FANK1: variants seen among roughly 807,000 people sequenced by gnomAD.
FANK1 encodes fibronectin type 3 and ankyrin repeat domains protein 1.
FANK1 carries 44 observed loss-of-function variants against 45.3 expected under a neutral mutation model. The observed-to-expected ratio is 0.97, with a 90% CI of 0.76 to 1.25. FANK1 has a LOEUF of 1.25. Ranked by LOEUF, FANK1 falls within the 50% of genes most tolerant of loss-of-function variation. The pLI is 0.00. For missense variants in FANK1, 391 were observed against 424.4 expected, an observed-to-expected ratio of 0.92 and a Z score of 0.69; for synonymous variants, 149 against 152.5, an observed-to-expected ratio of 0.98 and a Z score of 0.17.
chr10:126,008,753 C>G (rs374198044), intron 8 of FANK1, among the ~76,000 whole-genome samples: 8 of 152,296 alleles, frequency 5.3e-5, no homozygotes, highest in African/African-American at 1.9e-4. Context: ...TATTTAAGGA[C>G]TAAAGAACCC....
intron 1 of FANK1, among the ~76,000 whole-genome samples, chr10:125,976,962 C>T (rs968036652): frequency 3.1e-5 from 4 of 128,110 alleles, no homozygotes; most frequent in Non-Finnish European, 7.0e-5. Context: ...CTGTCAGACC[C>T]GTTAGGTTTT....
chr10:125,985,464 T>C (rs898389181), intron 2 of FANK1, among the ~76,000 whole-genome samples: 1 of 152,250 alleles, frequency 6.6e-6, no homozygotes, highest in South Asian at 2.1e-4. Flanking sequence ...CTGGCGGTTT[T>C]TCTGAATATT....
chr10:125,925,101 T>C (rs1048970603), intron 1 of FANK1, among the ~76,000 whole-genome samples: 2 of 152,068 alleles, frequency 1.3e-5, no homozygotes, highest in African/African-American at 4.8e-5. Context: ...ATGTTCTATA[T>C]GTTTGCATTG....
At position 125,987,928 on chromosome 10, in the gene FANK1, G is replaced by A. The variant is rs192810402; in HGVS notation, c.192-623G>A. Among the ~76,000 whole-genome samples, 558 of 152,302 alleles carry A rather than the reference G, an allele frequency of 3.7e-3. 2 individuals carry two copies. Among genetic ancestry groups the A allele is most frequent in the Middle Eastern group, 0.01 (3 of 294 alleles). Reference sequence around the variant, plus strand: ...CTCTGGAGGTGTGTGGATTTCCATCGTGAGTCTCTCATCAGATTTCTATCC... The same window carrying A: ...CTCTGGAGGTGTGTGGATTTCCATCATGAGTCTCTCATCAGATTTCTATCC... On this transcript the variant is annotated intron_variant, in intron 2 of 10. Coordinates refer to ENST00000368693, the MANE Select transcript of FANK1 (RefSeq NM_145235.5).
At chr10:125,904,325 A>G (rs1040416221) in intron 1 of FANK1, among the ~76,000 whole-genome samples, 1 of 152,308 alleles carries the variant, frequency 6.6e-6, no homozygotes, top group African/African-American at 2.4e-5. Context: ...ATATTTATGA[A>G]ATAAATAGAA....
At chr10:125,971,447 A>T (rs1950507563) in intron 1 of FANK1, among the ~76,000 whole-genome samples, 1 of 151,194 alleles carries the variant, frequency 6.6e-6, no homozygotes, top group Non-Finnish European at 1.5e-5. Flanking sequence ...TGCACACAAC[A>T]TCTCTCTACT....
At chr10:125,959,833 C>T (rs1298510850) in intron 1 of FANK1, among the ~76,000 whole-genome samples, 1 of 152,058 alleles carries the variant, frequency 6.6e-6, no homozygotes, top group Non-Finnish European at 1.5e-5. Context: ...TGTAAACATC[C>T]AGTAAATAAA....
chr10:125,909,559 G>T, intron 1 of FANK1, among the ~76,000 whole-genome samples: 1 of 148,962 alleles, frequency 6.7e-6, no homozygotes. Context: ...GTGTCACTTA[G>T]GCTATAGTGC....
In FANK1 at chr10:125,969,730, T is replaced by A. The variant is rs569726845; in HGVS notation, c.14-10431T>A. Among the ~76,000 whole-genome samples the A allele has an allele frequency of 9.7e-4, 148 of 152,256 alleles. 1 individual carries two copies. The highest frequency in any genetic ancestry group is 3.5e-3 in the African/African-American group (145 of 41,544). On this transcript the variant is annotated intron_variant, in intron 1 of 10. Transcript: ENST00000368693. ...TGGAGAGAAGGTCAGCAGATAAACA[T>A]GTGAACAAAGGTCTCTGGTTTTCCT...
rs41302923 is a variant in FANK1, at chr10:126,004,910, A to G, written c.566A>G (p.His189Arg). 32,852 of 1,614,102 alleles carry G rather than the reference A, an allele frequency of 0.02. 409 individuals are homozygous for G. Among genetic ancestry groups the G allele is most frequent in the Non-Finnish European group, 0.025 (29,272 of 1,180,000 alleles). The part of the protein sequence containing the change: ...DSLMLACYAG[H>R]LDVVKYLRRH... Reference sequence around the variant, plus strand: ...CTAATGCTGGCGTGCTATGCGGGACACCTAGATGTTGTGAAATATCTCCGA... The same window carrying G: ...CTAATGCTGGCGTGCTATGCGGGACGCCTAGATGTTGTGAAATATCTCCGA... The change falls in exon 7 of 11, where the codon CAC becomes CGC. Residue 189 changes from histidine to arginine, a missense_variant. Coordinates refer to ENST00000368693, the MANE Select transcript of FANK1 (RefSeq NM_145235.5).
chr10:125,962,224 G>C (rs1404160264), intron 1 of FANK1, among the ~76,000 whole-genome samples: 5 of 152,118 alleles, frequency 3.3e-5, no homozygotes, highest in Non-Finnish European at 7.4e-5. Context: ...GTCTTTCTTT[G>C]TTTTTCTGTA....
chr10:125,974,416 A>C (rs924196222), intron 1 of FANK1, among the ~76,000 whole-genome samples: 8 of 152,220 alleles, frequency 5.3e-5, no homozygotes, highest in African/African-American at 1.9e-4. Context: ...ACAATGCAGT[A>C]AATCTGTGAT....
At chr10:125,956,527 T>C (rs1949588750) in intron 1 of FANK1, among the ~76,000 whole-genome samples, 1 of 152,204 alleles carries the variant, frequency 6.6e-6, no homozygotes, top group Non-Finnish European at 1.5e-5. Context: ...TTTTTAACTT[T>C]TCACCAAAGA....
chr10:125,911,333 C>G (rs564784346), intron 1 of FANK1, among the ~76,000 whole-genome samples: 78 of 152,288 alleles, frequency 5.1e-4, no homozygotes, highest in African/African-American at 1.8e-3. Flanking sequence ...CCTAGAGCCT[C>G]CAGAAGGAAC....
intron 1 of FANK1, among the ~76,000 whole-genome samples, chr10:125,901,584 T>C (rs1164857544): frequency 1.7e-4 from 26 of 152,202 alleles, no homozygotes; most frequent in Admixed American, 3.3e-4. Flanking sequence ...GGTCTTCTTG[T>C]AGTCCCTCAA....
chr10:125,902,891 G>A (rs77364502), intron 1 of FANK1, among the ~76,000 whole-genome samples: 1 of 149,208 alleles, frequency 6.7e-6, no homozygotes, highest in Admixed American at 6.6e-5. Context: ...AGAATATTAA[G>A]TCTATCAATT....
chr10:126,006,332 G>GA (rs1953197119), intron 7 of FANK1, among the ~76,000 whole-genome samples: 1 of 152,154 alleles, frequency 6.6e-6, no homozygotes, highest in Non-Finnish European at 1.5e-5. Flanking sequence ...CCCCTTATAG[G>GA]AAAAATCTCA....
chr10:125,995,037 G>A (rs1265930616), intron 3 of FANK1: 4 of 765,640 alleles, frequency 5.2e-6, no homozygotes, highest in Non-Finnish European at 4.7e-6. Context: ...TTTTTTCCAA[G>A]TAGTTTAACA....
intron 1 of FANK1, among the ~76,000 whole-genome samples, chr10:125,913,789 A>C (rs1005334912): frequency 4.6e-5 from 7 of 152,160 alleles, no homozygotes; most frequent in Admixed American, 1.3e-4. Context: ...CCCACCTTGC[A>C]GGGGTCTTGT....
Sources: allele counts gnomAD v4.1 joint callset (sites outside exome capture counted in the v4.1 genomes callset), GRCh38; gene constraint gnomAD v4.1.1; transcripts MANE v1.5; gene names NCBI Gene and HGNC (gene_info 2026-07-23, HGNC 2026-07-21).